Variants in TMEM94 observed in about 807,000 individuals in gnomAD.
TMEM94 encodes the protein ER Mg2+ ATPase.
Under a neutral mutation model 158.6 loss-of-function variants are expected in TMEM94, and 81 were observed. The ratio of observed to expected loss-of-function variants is 0.51; its 90% confidence interval spans 0.43 to 0.61. TMEM94 has a LOEUF of 0.61. TMEM94 is among the 20% of genes least tolerant of loss of function. The probability of loss-of-function intolerance (pLI) is 0.00; values close to 1 mark genes in which losing one functional copy is unlikely to be tolerated. For synonymous variants in TMEM94, 751 were observed against 730.7 expected (o/e 1.03, Z -0.45); for missense variants, 1,435 against 1,762.0 (o/e 0.81, Z 3.32).
At chr17:75,493,161 G>T (rs1432651968) in intron 16 of TMEM94, 59 bp downstream of exon 16, 1 of 1,533,460 alleles carries the variant, frequency 6.5e-7, no homozygotes, top group Non-Finnish European at 8.9e-7. Context: ...TGGCAGGGGG[G>T]CTCTGCCCAG....
intron 1 of TMEM94, among the ~76,000 whole-genome samples, chr17:75,471,149 T>C (rs2050486221): frequency 6.8e-6 from 1 of 147,748 alleles, no homozygotes; most frequent in Admixed American, 6.9e-5. Flanking sequence ...CAGCAGGGAA[T>C]TGCTGGAACC....
At chr17:75,497,982 C>T (rs2052896009) in intron 27 of TMEM94, 120 bp downstream of exon 27, 2 of 1,173,494 alleles carry the variant, frequency 1.7e-6, no homozygotes. Flanking sequence ...AACTCCGGCA[C>T]TTGGTTCCTA....
At position 75,488,801 on chromosome 17, in the gene TMEM94, C is replaced by A. The variant is rs765523093; in HGVS notation, c.655C>A (p.Pro219Thr). The A allele has an allele frequency of 1.4e-5, 22 of 1,613,524 alleles. No individual in the cohort carries two copies. The highest frequency in any genetic ancestry group is 2.2e-5 in the East Asian group (1 of 44,872). The change falls in exon 7 of 32, where the codon CCC becomes ACC. Residue 219 changes from proline (P) to threonine (T), a missense_variant. Around this residue, in one of 3 missense-constraint regions of TMEM94, gnomAD observed 1,051 missense variants for 1,254.4 expected, o/e 0.84. Transcript: ENST00000314256. ...CCTGGAGCCGGGAGACCTCTTCCCC[C>A]CCTTCTCCCCTCCACCCTCACCCCG... ...IVLEPGDLFP[P>T]FSPPPSPRGE...
rs1040208065 is a variant in TMEM94, at chr17:75,500,245, C to T, written c.*911C>T. Reference sequence around the variant, plus strand: ...GTCAGGGGTCCCCATGTCACAGAGGCAAACACACAGCCCAGTCACGTGGAA... The same window carrying T: ...GTCAGGGGTCCCCATGTCACAGAGGTAAACACACAGCCCAGTCACGTGGAA... On this transcript the variant is annotated 3_prime_UTR_variant, in exon 32 of 32. Coordinates refer to ENST00000314256, the MANE Select transcript of TMEM94 (RefSeq NM_014738.6). 1 of 152,230 alleles carries T rather than the reference C, an allele frequency of 6.6e-6. No homozygotes were observed. Among genetic ancestry groups the T allele is most frequent in the Non-Finnish European group, 1.5e-5 (1 of 68,094 alleles). 9.4% of individuals were successfully genotyped at this position (152,230 alleles called of 1,614,324 possible). A position where few individuals can be genotyped will look rare whatever the true frequency, so the allele number is the denominator to read the frequency against.
In TMEM94 at chr17:75,498,636, T is replaced by C; in HGVS notation, c.3741T>C (p.Ile1247=). 1 of 1,611,310 alleles carries C rather than the reference T, an allele frequency of 6.2e-7. No homozygotes were observed. Among genetic ancestry groups the C allele is most frequent in the Non-Finnish European group, 8.5e-7 (1 of 1,178,498 alleles). Residue 1247 remains isoleucine, a synonymous_variant, in exon 30 of 32, where the codon ATT becomes ATC. Transcript: ENST00000314256. This position sits in a 1 kb window ranked among gnomAD's most constrained non-coding sequence, Gnocchi z 6.7. ...TCGCCCCACCTTCCCCAGTCTTCATTTCCATCACCCATGTGCATCGCACCA... is the reference window on the plus strand; with the variant it reads ...TCGCCCCACCTTCCCCAGTCTTCATCTCCATCACCCATGTGCATCGCACCA... The part of the protein sequence containing the change: ...AALIVLHTVF[I]SITHVHRTKP...
At chr17:75,462,001 GTT>G (rs1230233393) in intron 1 of TMEM94, among the ~76,000 whole-genome samples, 1 of 85,664 alleles carries the variant, frequency 1.2e-5, no homozygotes, top group African/African-American at 5.7e-5. Flanking sequence ...TTTTTGTTTT[GTT>G]TTGTTTTGTT....
At chr17:75,488,668 C>G in intron 6 of TMEM94, 91 bp from the exon 7 acceptor site, 4 of 1,491,746 alleles carry the variant, frequency 2.7e-6, no homozygotes, top group Non-Finnish European at 3.7e-6. Flanking sequence ...GCTCCTAACC[C>G]CAGCGAATGT....
rs1180723796 is a variant in TMEM94 at position 75,463,178 on chromosome 17, G to GTGTGTGTATA, written c.-107+6428_-107+6429insGTGTGTATAT. 1.3e-4 allele frequency among the ~76,000 whole-genome samples: 2 copies of GTGTGTGTATA among 15,082 alleles called. 1 individual carries two copies. Among genetic ancestry groups the GTGTGTGTATA allele is most frequent in the Middle Eastern group, 0.05 (2 of 40 alleles). 9.9% of individuals were successfully genotyped at this position (15,082 alleles called of 152,430 possible). On this transcript the variant is annotated intron_variant, in intron 1 of 31. Transcript: ENST00000314256. ...TATATATATGTGTGTGTGTGTGTGT[G>GTGTGTGTATA]TATATATATATATATATATACAGTT...
chr17:75,481,869 C>T (rs2051188704), intron 2 of TMEM94, among the ~76,000 whole-genome samples: 1 of 152,246 alleles, frequency 6.6e-6, no homozygotes, highest in Non-Finnish European at 1.5e-5. Flanking sequence ...CCTGGAAAGA[C>T]TCACTTCTCC....
chr17:75,486,484 G>A, intron 5 of TMEM94, 58 bp downstream of exon 5: 1 of 1,605,940 alleles, frequency 6.2e-7, no homozygotes. Context: ...TCAGAGCCCT[G>A]AGGGCTCCCC....
Position 75,498,881 on chromosome 17 carries a change from C to CA in TMEM94, c.3828-31_3828-30insA. 1.3e-6 allele frequency: 2 copies of CA among 1,531,040 alleles called. No individual in the cohort carries two copies. The highest frequency in any genetic ancestry group is 1.8e-6 in the Non-Finnish European group (2 of 1,139,662). 94.8% of individuals were successfully genotyped at this position (1,531,040 alleles called of 1,614,324 possible). On this transcript the variant is annotated intron_variant, in intron 30 of 31. Coordinates refer to ENST00000314256, the MANE Select transcript of TMEM94 (RefSeq NM_014738.6). This position sits in a 1 kb window ranked among gnomAD's most constrained non-coding sequence, Gnocchi z 6.7. The stretch of plus-strand genomic sequence containing the variant: ...GAGCAGGGAAGGAAGCAAGCAGTGT[C>CA]GGGTTCACACGGGGCCGCCACCTCC...
rs145443514 is a variant in TMEM94 at position 75,481,572 on chromosome 17, C to T, written c.25-3856C>T. On this transcript the variant is annotated intron_variant, in intron 2 of 31. Transcript: ENST00000314256. The stretch of plus-strand genomic sequence containing the variant: ...TGTGTGCCCTGCCAGGGCTGAGGCT[C>T]AGTTGCCGAGGAGGGGGTATGTGTG... 1.5e-3 allele frequency among the ~76,000 whole-genome samples: 231 copies of T among 152,338 alleles called. 3 individuals carry two copies. The East Asian group carries it at 0.042, about 28-fold the overall frequency.
rs545746651 is a variant in TMEM94, at chr17:75,492,007, C to T, written c.1596+107C>T. Reference sequence around the variant, plus strand: ...GGTCTGAAAGAGCAGGCGTCTCTGCCCTCTGTCCCAGCACCTCCAGGCTAG... The same window carrying T: ...GGTCTGAAAGAGCAGGCGTCTCTGCTCTCTGTCCCAGCACCTCCAGGCTAG... On this transcript the variant is annotated intron_variant, in intron 14 of 31. Coordinates refer to ENST00000314256, the MANE Select transcript of TMEM94 (RefSeq NM_014738.6). This position sits in a 1 kb window ranked among gnomAD's most constrained non-coding sequence, Gnocchi z 4.4. 3.4e-6 allele frequency: 4 copies of T among 1,174,048 alleles called. No homozygotes were observed. The highest frequency in any genetic ancestry group is 4.9e-6 in the Non-Finnish European group (4 of 824,022). 72.7% of individuals were successfully genotyped at this position (1,174,048 alleles called of 1,614,324 possible). A position where few individuals can be genotyped will look rare whatever the true frequency, so the allele number is the denominator to read the frequency against.
chr17:75,479,897 A>C (rs1241421048), intron 2 of TMEM94, among the ~76,000 whole-genome samples: 1 of 152,108 alleles, frequency 6.6e-6, no homozygotes, highest in Non-Finnish European at 1.5e-5. Context: ...CAACTTGGGC[A>C]ACAGGAGTGA....
At chr17:75,493,670 C>T (rs556755677) in intron 17 of TMEM94, 29 bp from the exon 18 acceptor site, 2 of 1,613,632 alleles carry the variant, frequency 1.2e-6, no homozygotes, top group East Asian at 2.2e-5. Context: ...CAGGAACACT[C>T]ACCTCACCTC....
At chr17:75,482,145 C>G (rs2051208322) in intron 2 of TMEM94, among the ~76,000 whole-genome samples, 1 of 152,148 alleles carries the variant, frequency 6.6e-6, no homozygotes, top group Non-Finnish European at 1.5e-5. Context: ...GAGCTCGAGA[C>G]CAGCCTGGGC....
chr17:75,472,504 G>C (rs933971753), intron 2 of TMEM94, among the ~76,000 whole-genome samples: 3 of 152,208 alleles, frequency 2.0e-5, no homozygotes, highest in Non-Finnish European at 2.9e-5. Flanking sequence ...TGCCCCAGAG[G>C]AAGTCCTTTT....
Position 75,485,476 on chromosome 17 carries a change from G to C in TMEM94, c.73G>C (p.Val25Leu), listed in dbSNP as rs746256036. 6.2e-7 allele frequency: 1 copy of C among 1,614,178 alleles called. No individual in the cohort carries two copies. Among genetic ancestry groups the C allele is most frequent in the African/African-American group, 1.3e-5 (1 of 75,068 alleles). ...LGLSTRKALS[V>L]LKEQLEAVLE... ...CCTGTCCACGCGGAAGGCCCTCAGC[G>C]TCCTGAAGGAGCAGCTGGAGGCAGT... The change falls in exon 3 of 32, where the codon GTC (valine) becomes CTC (leucine). Residue 25 changes from valine (V) to leucine (L), a missense_variant. Transcript: ENST00000314256. This position sits in a 1 kb window ranked among gnomAD's most constrained non-coding sequence, Gnocchi z 5.5.
Position 75,494,683 on chromosome 17 carries a change from A to G in TMEM94, c.2464A>G (p.Ile822Val). The G allele has an allele frequency of 6.2e-7, 1 of 1,613,694 alleles. No individual in the cohort carries two copies. Among genetic ancestry groups the G allele is most frequent in the Non-Finnish European group, 8.5e-7 (1 of 1,180,036 alleles). Residue 822 changes from isoleucine (I) to valine (V), a missense_variant, in exon 19 of 32, where the codon ATC (isoleucine) becomes GTC (valine). Around this residue, in one of 3 missense-constraint regions of TMEM94, gnomAD observed 1,051 missense variants for 1,254.4 expected, o/e 0.84. Coordinates refer to ENST00000314256, the MANE Select transcript of TMEM94 (RefSeq NM_014738.6). ...EDCMQALSGQ[I>V]FMGMVSSQYQ... is the part of the protein sequence containing the mutation. The stretch of plus-strand genomic sequence containing the variant: ...CTGCATGCAGGCCCTGAGCGGCCAG[A>G]TCTTCATGGGCATGGTGTCCTCCCA...
Sources: allele counts gnomAD v4.1 joint callset (sites outside exome capture counted in the v4.1 genomes callset), GRCh38; gene constraint gnomAD v4.1.1; regional missense constraint gnomAD v4.1.1; non-coding constraint Gnocchi (gnomAD v3.1); transcripts MANE v1.5; gene names NCBI Gene and HGNC (gene_info 2026-07-23, HGNC 2026-07-21).